Variants in ATF1 observed in about 807,000 individuals in gnomAD.
ATF1 encodes the protein activating transcription factor 1.
Under a neutral mutation model 34.7 loss-of-function variants are expected in ATF1, and 16 were observed. The observed-to-expected ratio is 0.46, with a 90% CI of 0.31 to 0.70. The LOEUF is 0.70. Among genes scored for constraint, ATF1 ranks in the 30% least tolerant of loss-of-function variants. ATF1 has a pLI of 0.05. For missense variants in ATF1, 255 were observed against 321.6 expected (o/e 0.79, Z 1.58); for synonymous variants, 105 against 113.1 (o/e 0.93, Z 0.46).
intron 2 of ATF1, among the ~76,000 whole-genome samples, chr12:50,795,618 A>G (rs1941392475): frequency 6.6e-6 from 1 of 151,820 alleles, no homozygotes; most frequent in Non-Finnish European, 1.5e-5. Context: ...GGAGAATGAC[A>G]TCAGAGCCTG....
chr12:50,812,870 T>A (rs1941765571), intron 4 of ATF1, among the ~76,000 whole-genome samples: 1 of 152,058 alleles, frequency 6.6e-6, no homozygotes, highest in South Asian at 2.1e-4. Context: ...TAAAAAAATA[T>A]TTTGAAACTC....
rs147672207 is a variant in ATF1 at position 50,786,097 on chromosome 12, C to T, written c.93+5859C>T. Among the ~76,000 whole-genome samples, 565 of 152,178 alleles carry T rather than the reference C, an allele frequency of 3.7e-3. 3 individuals are homozygous for T. Among genetic ancestry groups the T allele is most frequent in the Non-Finnish European group, 6.0e-3 (411 of 68,010 alleles). ...GGGCAGACCATCCAAGTAGATTTAT[C>T]CAGTAGGCAGCTAGATATATGAGTC... On this transcript the variant is annotated intron_variant, in intron 2 of 6. Coordinates refer to ENST00000262053, the MANE Select transcript of ATF1 (RefSeq NM_005171.5).
chr12:50,789,628 G>A (rs537009474), intron 2 of ATF1, among the ~76,000 whole-genome samples: 195 of 152,154 alleles, frequency 1.3e-3, no homozygotes, highest in Non-Finnish European at 9.3e-4. Flanking sequence ...AGTAGTGGGC[G>A]CCTGTCATCC....
intron 2 of ATF1, chr12:50,788,157 G>A: frequency 2.3e-6 from 1 of 442,332 alleles, no homozygotes; most frequent in African/African-American, 2.0e-5. Context: ...AATAAGATGA[G>A]GAATAAAAAT....
chr12:50,766,438 G>T (rs1185354891), intron 1 of ATF1, among the ~76,000 whole-genome samples: 1 of 152,116 alleles, frequency 6.6e-6, no homozygotes, highest in Admixed American at 6.5e-5. Flanking sequence ...TTTGCTGATG[G>T]CTGTGGGTGA....
intron 6 of ATF1, among the ~76,000 whole-genome samples, chr12:50,817,110 T>G (rs1941858303): frequency 6.6e-6 from 1 of 152,190 alleles, no homozygotes; most frequent in African/African-American, 2.4e-5. Context: ...GGCCTTATCT[T>G]GTACAGTTGA....
At chr12:50,807,842 C>CTCTG (rs1491279224) in intron 3 of ATF1, among the ~76,000 whole-genome samples, 1 of 147,384 alleles carries the variant, frequency 6.8e-6, no homozygotes, top group East Asian at 2.0e-4. Flanking sequence ...GAGAGTCTCA[C>CTCTG]TCTGTCGCCC....
intron 3 of ATF1, among the ~76,000 whole-genome samples, chr12:50,799,861 C>T (rs1426081414): frequency 2.0e-5 from 3 of 151,838 alleles, no homozygotes; most frequent in East Asian, 1.9e-4. Flanking sequence ...GCGACCTGTG[C>T]GACAATAATT....
At chr12:50,806,339 G>T in intron 3 of ATF1, 2 of 482,824 alleles carry the variant, frequency 4.1e-6, no homozygotes, top group South Asian at 1.5e-5. Context: ...TGTTTACTTG[G>T]CTGTCATTGA....
At chr12:50,768,407 A>G (rs1044463870) in intron 1 of ATF1, among the ~76,000 whole-genome samples, 2 of 152,230 alleles carry the variant, frequency 1.3e-5, no homozygotes, top group Admixed American at 1.3e-4. Flanking sequence ...TGCTATGGTT[A>G]AAATAAGTTT....
At chr12:50,809,387 A>AG in intron 3 of ATF1, 69 bp from the exon 4 acceptor site, 1 of 1,313,960 alleles carries the variant, frequency 7.6e-7, no homozygotes, top group South Asian at 1.4e-5. Context: ...AAAAAAAAAA[A>AG]AAAAAAAATT....
intron 1 of ATF1, among the ~76,000 whole-genome samples, chr12:50,773,610 C>CT (rs1420739584): frequency 6.6e-6 from 1 of 150,770 alleles, no homozygotes; most frequent in Non-Finnish European, 1.5e-5. Flanking sequence ...TTTCTTGAGA[C>CT]TGAGTCTTGC....
chr12:50,764,986 T>G (rs546576655), intron 1 of ATF1, among the ~76,000 whole-genome samples: 38 of 152,182 alleles, frequency 2.5e-4, no homozygotes, highest in Non-Finnish European at 4.6e-4. Context: ...ACTTTCTCTT[T>G]GATCTTGTAT....
intron 2 of ATF1, among the ~76,000 whole-genome samples, chr12:50,791,856 G>A (rs529234936): frequency 2.0e-5 from 3 of 152,184 alleles, no homozygotes; most frequent in East Asian, 1.9e-4. Flanking sequence ...CCATGAAACC[G>A]CATCTGATTT....
chr12:50,803,237 C>T (rs1941549021), intron 3 of ATF1, among the ~76,000 whole-genome samples: 1 of 144,746 alleles, frequency 6.9e-6, no homozygotes, highest in South Asian at 2.3e-4. Context: ...CACTGTGCTC[C>T]AGCTTGGGTG....
chr12:50,817,905 A>G (rs926215162), intron 6 of ATF1, among the ~76,000 whole-genome samples: 1 of 152,194 alleles, frequency 6.6e-6, no homozygotes, highest in Non-Finnish European at 1.5e-5. Flanking sequence ...CTAGACTGAC[A>G]ACCATTTTAA....
chr12:50,790,102 T>C (rs1172344419), intron 2 of ATF1, among the ~76,000 whole-genome samples: 2 of 151,988 alleles, frequency 1.3e-5, no homozygotes, highest in Non-Finnish European at 1.5e-5. Context: ...ATTAGCTGAG[T>C]GGCTTCAGTT....
chr12:50,814,926 C>T (rs1201687142), intron 6 of ATF1, among the ~76,000 whole-genome samples: 1 of 151,210 alleles, frequency 6.6e-6, no homozygotes, highest in East Asian at 1.9e-4. Flanking sequence ...TCGAGACCAT[C>T]CTGGCTAACG....
At chr12:50,776,039 A>G (rs534589955) in intron 1 of ATF1, among the ~76,000 whole-genome samples, 1 of 152,256 alleles carries the variant, frequency 6.6e-6, no homozygotes. Context: ...TAGGCTGGGC[A>G]CGGTGGCTCA....
Sources: allele counts gnomAD v4.1 joint callset (sites outside exome capture counted in the v4.1 genomes callset), GRCh38; gene constraint gnomAD v4.1.1; transcripts MANE v1.5; gene names NCBI Gene and HGNC (gene_info 2026-07-23, HGNC 2026-07-21).